Variants in EGFR observed in about 807,000 individuals in gnomAD.
The protein encoded by EGFR is epidermal growth factor receptor.
A neutral mutation model predicts 143.0 loss-of-function variants in EGFR; 58 were observed. The ratio of observed to expected loss-of-function variants is 0.41; its 90% CI spans 0.33 to 0.50. The LOEUF is 0.50. EGFR is among the 20% of genes least tolerant of loss of function. The probability of loss-of-function intolerance (pLI) is 0.39; values close to 1 mark genes in which losing one functional copy is unlikely to be tolerated. For synonymous variants in EGFR, 613 were observed against 594.4 expected, an observed-to-expected ratio of 1.03 and a Z score of -0.45; for missense variants, 1,307 against 1,579.0, an observed-to-expected ratio of 0.83 and a Z score of 2.92.
rs1447966312 is a variant in EGFR, at chr7:55,165,305, C to T, written c.1748C>T (p.Ala583Val). The T allele has an allele frequency of 3.7e-6, 6 of 1,614,040 alleles. No homozygotes were observed. Among genetic ancestry groups the T allele is most frequent in the Non-Finnish European group, 5.1e-6 (6 of 1,180,042 alleles). The change falls in exon 15 of 28, where the codon GCC (alanine) becomes GTC (valine). Residue 583 changes from alanine (A) to valine (V), a missense_variant. Ala to Val is a moderately conservative substitution (Grantham distance 64, BLOSUM62 0). Around this residue, in one of 7 missense-constraint regions of EGFR, gnomAD observed 250 missense variants for 295.1 expected, o/e 0.85. Transcript: ENST00000275493. ...GGACCAGACAACTGTATCCAGTGTG[C>T]CCACTACATTGACGGCCCCCACTGC... ...GRGPDNCIQCAHYIDGPHCVK... is the reference protein window; with the variant it reads ...GRGPDNCIQCVHYIDGPHCVK...
At chr7:55,196,178 AT>A (rs61541412) in intron 22 of EGFR, among the ~76,000 whole-genome samples, 92 of 88,078 alleles carry the variant, frequency 1.0e-3, no homozygotes, top group Admixed American at 1.3e-3. Context: ...ATGTGTTGGG[AT>A]TTTTTTTTTT....
chr7:55,105,315 G>A (rs1792069785), intron 1 of EGFR, among the ~76,000 whole-genome samples: 1 of 152,198 alleles, frequency 6.6e-6, no homozygotes, highest in South Asian at 2.1e-4. Flanking sequence ...ACTGCAGAAA[G>A]ATTATGCCTT....
At chr7:55,078,002 G>A (rs1262343093) in intron 1 of EGFR, among the ~76,000 whole-genome samples, 2 of 152,154 alleles carry the variant, frequency 1.3e-5, no homozygotes, top group African/African-American at 2.4e-5. Flanking sequence ...TGTGGAGGGG[G>A]AGGCAGTGGC....
intron 13 of EGFR, among the ~76,000 whole-genome samples, chr7:55,163,220 A>G (rs1406158247): frequency 4.6e-5 from 7 of 152,252 alleles, no homozygotes; most frequent in Non-Finnish European, 1.0e-4. Flanking sequence ...TCAATCAAAC[A>G]TCAGCTTCTT....
chr7:55,148,299 G>A (rs1173167521), intron 4 of EGFR, among the ~76,000 whole-genome samples: 1 of 152,014 alleles, frequency 6.6e-6, no homozygotes, highest in African/African-American at 2.4e-5. Flanking sequence ...ACCTGGAACG[G>A]TTATGGGGCC....
chr7:55,053,960 A>G lies in EGFR; in HGVS notation c.88+34595A>G, dbSNP rs571749000. 2.4e-4 allele frequency among the ~76,000 whole-genome samples: 36 copies of G among 152,346 alleles called. 1 individual carries two copies. In the East Asian group the frequency reaches 6.6e-3, roughly 28 times the overall value. On this transcript the variant is annotated intron_variant, in intron 1 of 27. Transcript: ENST00000275493. ...TGATGATTTCTTCAGTCTCTGAGGA[A>G]GAGTTTTCATTTTCCCCAATTCGCA...
chr7:55,021,596 G>A (rs1435890816), intron 1 of EGFR, among the ~76,000 whole-genome samples: 1 of 152,182 alleles, frequency 6.6e-6, no homozygotes, highest in African/African-American at 2.4e-5. Flanking sequence ...TGGATTTTCA[G>A]GGGCAAATTA....
chr7:55,175,200 T>A (rs773035491), intron 19 of EGFR, among the ~76,000 whole-genome samples: 3 of 152,168 alleles, frequency 2.0e-5, no homozygotes, highest in African/African-American at 7.2e-5. Context: ...TGGGATAGGG[T>A]TTAAGCCCCT....
At chr7:55,148,017 T>G (rs1231246647) in intron 4 of EGFR, among the ~76,000 whole-genome samples, 1 of 152,254 alleles carries the variant, frequency 6.6e-6, no homozygotes, top group Non-Finnish European at 1.5e-5. Flanking sequence ...TACATTTTGT[T>G]TGTCCATTCA....
intron 1 of EGFR, among the ~76,000 whole-genome samples, chr7:55,138,549 T>A (rs1036180337): frequency 9.2e-5 from 14 of 152,210 alleles, no homozygotes; most frequent in Admixed American, 8.5e-4. Flanking sequence ...TTTGAGTAAG[T>A]CCATATGCAG....
chr7:55,028,990 C>G (rs1787098726), intron 1 of EGFR, among the ~76,000 whole-genome samples: 1 of 151,782 alleles, frequency 6.6e-6, no homozygotes, highest in Non-Finnish European at 1.5e-5. Flanking sequence ...AAACCCGCCT[C>G]TACTAAAAAT....
intron 1 of EGFR, among the ~76,000 whole-genome samples, chr7:55,131,573 C>T (rs1793833848): frequency 6.6e-6 from 1 of 152,198 alleles, no homozygotes; most frequent in Non-Finnish European, 1.5e-5. Context: ...GCTTAGAAAC[C>T]ACAGGCGGGG....
At chr7:55,113,563 G>A (rs1021871707) in intron 1 of EGFR, among the ~76,000 whole-genome samples, 2 of 152,066 alleles carry the variant, frequency 1.3e-5, no homozygotes, top group Non-Finnish European at 2.9e-5. Context: ...CATTCCCAAT[G>A]TTTTGTCAAT....
rs551364673 is a variant in EGFR, at chr7:55,144,775, G to A, written c.424+1287G>A. On this transcript the variant is annotated intron_variant, in intron 3 of 27. Coordinates refer to ENST00000275493, the MANE Select transcript of EGFR (RefSeq NM_005228.5). ...AGCCTGTGCGGGTGCCTGGACCTCC[G>A]AGCCAGACCCTCTGGGTTCCTGCCT... 3.3e-5 allele frequency among the ~76,000 whole-genome samples: 5 copies of A among 152,232 alleles called. No individual in the cohort carries two copies. The South Asian group carries it at 6.2e-4, about 19-fold the overall frequency.
chr7:55,168,641 G>T, intron 15 of EGFR: 1 of 1,493,740 alleles, frequency 6.7e-7, no homozygotes, highest in Non-Finnish European at 9.1e-7. Context: ...TTTGACATAT[G>T]GAATTTTATA....
At chr7:55,125,360 A>G (rs73696544) in intron 1 of EGFR, among the ~76,000 whole-genome samples, 2,160 of 152,346 alleles carry the variant, frequency 0.014, 54 homozygotes, top group African/African-American at 0.05. Flanking sequence ...ATAAGAAAAA[A>G]TCATAGTATT....
At chr7:55,101,057 G>A (rs747925094) in intron 1 of EGFR, among the ~76,000 whole-genome samples, 1 of 152,166 alleles carries the variant, frequency 6.6e-6, no homozygotes, top group Non-Finnish European at 1.5e-5. Context: ...CTCCTCCCGC[G>A]GCTGAGCAGC....
chr7:55,209,540 C>A lies in EGFR; in HGVS notation c.*3923C>A, dbSNP rs1256165891. The stretch of plus-strand genomic sequence containing the variant: ...GTAGGCAACACCTGTTGAAATTGCC[C>A]TCAATGTCTACTCTGCATTTCTTTC... On this transcript the variant is annotated 3_prime_UTR_variant, in exon 28 of 28. Transcript: ENST00000275493. The A allele has an allele frequency of 6.6e-6, 1 of 152,124 alleles. No individual in the cohort carries two copies. The highest frequency in any genetic ancestry group is 1.5e-5 in the Non-Finnish European group (1 of 68,026). 9.4% of individuals were successfully genotyped at this position (152,124 alleles called of 1,614,324 possible). A position where few individuals can be genotyped will look rare whatever the true frequency, so the allele number is the denominator to read the frequency against.
In EGFR at chr7:55,116,902, G is replaced by A. The variant is rs143434029; in HGVS notation, c.89-25384G>A. On this transcript the variant is annotated intron_variant, in intron 1 of 27. Transcript: ENST00000275493. Reference sequence around the variant, plus strand: ...CCACACTGCGTTCGTCCATTCTACCGCCAATGGACATATGGGTTCTTTCTC... The same window carrying A: ...CCACACTGCGTTCGTCCATTCTACCACCAATGGACATATGGGTTCTTTCTC... Among the ~76,000 whole-genome samples the A allele has an allele frequency of 4.1e-3, 617 of 152,272 alleles. 1 individual carries two copies. The highest frequency in any genetic ancestry group is 6.8e-3 in the Middle Eastern group (2 of 294).
Sources: allele counts gnomAD v4.1 joint callset (sites outside exome capture counted in the v4.1 genomes callset), GRCh38; gene constraint gnomAD v4.1.1; regional missense constraint gnomAD v4.1.1; transcripts MANE v1.5; gene names NCBI Gene and HGNC (gene_info 2026-07-23, HGNC 2026-07-21).